ZNF609: variants seen among roughly 807,000 people sequenced by gnomAD.
The protein encoded by ZNF609 is zinc finger protein 609.
Under a neutral mutation model 109.5 loss-of-function variants are expected in ZNF609, and 11 were observed. The ratio of observed to expected loss-of-function variants is 0.10; its 90% CI spans 0.06 to 0.17. The LOEUF (loss-of-function observed/expected upper bound fraction) is 0.17. Among genes scored for constraint, ZNF609 ranks in the 10% least tolerant of loss-of-function variants. ZNF609 has a pLI of 1.00. For missense variants in ZNF609, 1,559 were observed against 1,772.4 expected, an observed-to-expected ratio of 0.88 and a Z score of 2.16; for synonymous variants, 646 against 662.0, an observed-to-expected ratio of 0.98 and a Z score of 0.37.
At position 64,560,129 on chromosome 15, in the gene ZNF609, T is replaced by A. The variant is rs7172378; in HGVS notation, c.747+59963T>A. Among the ~76,000 whole-genome samples the A allele has an allele frequency of 7.0e-3, 1,070 of 152,250 alleles. 15 individuals are homozygous for A. Among genetic ancestry groups the A allele is most frequent in the African/African-American group, 0.024 (1,017 of 41,540 alleles). The stretch of plus-strand genomic sequence containing the variant: ...GGCACAATCTCAGCTCACTGAAAAC[T>A]CCACCTCCCAGGTTCAAGTGATTCT... On this transcript the variant is annotated intron_variant, in intron 2 of 9. Transcript: ENST00000326648.
chr15:64,529,271 C>T, intron 2 of ZNF609: 1 of 714,234 alleles, frequency 1.4e-6, no homozygotes. Flanking sequence ...GGTTCACGCC[C>T]ATCACAAACA....
intron 1 of ZNF609, among the ~76,000 whole-genome samples, chr15:64,489,257 C>G (rs1347912194): frequency 6.6e-6 from 1 of 151,638 alleles, no homozygotes; most frequent in Non-Finnish European, 1.5e-5. Flanking sequence ...GCGATCTTGG[C>G]TCACTGCAAC....
intron 2 of ZNF609, among the ~76,000 whole-genome samples, chr15:64,609,432 C>T (rs537000762): frequency 1.3e-5 from 2 of 151,690 alleles, no homozygotes; most frequent in East Asian, 2.0e-4. Flanking sequence ...CCACCCTCCT[C>T]GGCCTCTCAA....
At chr15:64,602,547 ACTT>A (rs1365561395) in intron 2 of ZNF609, among the ~76,000 whole-genome samples, 1 of 151,768 alleles carries the variant, frequency 6.6e-6, no homozygotes, top group Non-Finnish European at 1.5e-5. Flanking sequence ...TTATTTTCAG[ACTT>A]CTTTGTGGTC....
rs565024579 is a variant in ZNF609 at position 64,651,281 on chromosome 15, G to GTATA, written c.974-19063_974-19060dup. Among the ~76,000 whole-genome samples the GTATA allele has an allele frequency of 2.0e-3, 311 of 152,192 alleles. 1 individual carries two copies. Among genetic ancestry groups the GTATA allele is most frequent in the African/African-American group, 7.2e-3 (299 of 41,524 alleles). The stretch of plus-strand genomic sequence containing the variant: ...GGGGTGGTTTCTTCATATTTGCTTT[G>GTATA]TATATGGGAGCTCATTTTTAGGAAG... On this transcript the variant is annotated intron_variant, in intron 3 of 9. Coordinates refer to ENST00000326648, the MANE Select transcript of ZNF609 (RefSeq NM_015042.2).
intron 2 of ZNF609, among the ~76,000 whole-genome samples, chr15:64,514,103 A>T (rs990328360): frequency 2.0e-5 from 3 of 151,744 alleles, no homozygotes; most frequent in Admixed American, 6.6e-5. Flanking sequence ...AAAAAAAAAA[A>T]ACCACCAGTT....
intron 1 of ZNF609, among the ~76,000 whole-genome samples, chr15:64,469,955 C>A (rs138726703): frequency 1.3e-5 from 2 of 152,134 alleles, no homozygotes; most frequent in Non-Finnish European, 2.9e-5. Context: ...TATCTGAAAT[C>A]TGGGAGCTAA....
rs1595718355 is a variant in ZNF609, at chr15:64,559,830, T to C, written c.747+59664T>C. ...AGATATCTCGTTTAATATTCTACCT[T>C]CCTTTTCTATTCACCCACTTTGTGA... On this transcript the variant is annotated intron_variant, in intron 2 of 9. Transcript: ENST00000326648. Among the ~76,000 whole-genome samples, 3 of 152,326 alleles carry C rather than the reference T, an allele frequency of 2.0e-5. No homozygotes were observed. The South Asian group carries it at 6.2e-4, about 32-fold the overall frequency.
chr15:64,518,014 T>C (rs1043931324), intron 2 of ZNF609, among the ~76,000 whole-genome samples: 2 of 152,066 alleles, frequency 1.3e-5, no homozygotes, highest in Non-Finnish European at 2.9e-5. Flanking sequence ...ACCCCTGGGC[T>C]CAAGTGATCC....
At chr15:64,528,557 T>C in intron 2 of ZNF609, 1 of 581,136 alleles carries the variant, frequency 1.7e-6, no homozygotes, top group South Asian at 1.9e-5. Context: ...ATGGAAACTG[T>C]GAGGAGGGGA....
intron 2 of ZNF609, among the ~76,000 whole-genome samples, chr15:64,573,721 C>T (rs529480183): frequency 6.6e-6 from 1 of 152,148 alleles, no homozygotes; most frequent in South Asian, 2.1e-4. Context: ...CCTATTTCAC[C>T]CTTGTCTATT....
intron 2 of ZNF609, among the ~76,000 whole-genome samples, chr15:64,566,067 C>G (rs113184914): frequency 0.046 from 7,036 of 152,212 alleles, 538 homozygotes; most frequent in African/African-American, 0.16. Context: ...CCAGGCTGGT[C>G]TCAAACTCCT....
chr15:64,469,918 T>C (rs936282663), intron 1 of ZNF609, among the ~76,000 whole-genome samples: 4 of 152,154 alleles, frequency 2.6e-5, no homozygotes, highest in Non-Finnish European at 5.9e-5. Context: ...ACTTTGTAAA[T>C]TCAGTCAAGG....
chr15:64,500,648 A>G (rs1191318989), intron 2 of ZNF609: 3 of 546,846 alleles, frequency 5.5e-6, no homozygotes, highest in Non-Finnish European at 9.7e-6. Flanking sequence ...CAAAGGGCTA[A>G]ATTTCATGGC....
intron 2 of ZNF609, among the ~76,000 whole-genome samples, chr15:64,619,113 A>G (rs1895843043): frequency 6.6e-6 from 1 of 152,178 alleles, no homozygotes; most frequent in African/African-American, 2.4e-5. Flanking sequence ...CCAAGTAGCT[A>G]GGACTGCAGG....
At chr15:64,563,891 A>G (rs891509531) in intron 2 of ZNF609, among the ~76,000 whole-genome samples, 27 of 152,186 alleles carry the variant, frequency 1.8e-4, no homozygotes, top group Admixed American at 1.8e-3. Context: ...CGGCCTATTT[A>G]TTTATTTTTT....
intron 2 of ZNF609, among the ~76,000 whole-genome samples, chr15:64,560,994 A>T (rs1370071904): frequency 6.6e-6 from 1 of 152,218 alleles, no homozygotes; most frequent in Admixed American, 6.6e-5. Flanking sequence ...TCTGTTACCA[A>T]GGCCCCAAAT....
chr15:64,638,322 A>G (rs1896207658), intron 3 of ZNF609, among the ~76,000 whole-genome samples: 1 of 151,594 alleles, frequency 6.6e-6, no homozygotes, highest in Non-Finnish European at 1.5e-5. Flanking sequence ...AAATCTTGTT[A>G]TCTAGTAGTA....
intron 3 of ZNF609, among the ~76,000 whole-genome samples, chr15:64,634,154 G>A (rs1380357201): frequency 6.6e-6 from 1 of 151,886 alleles, no homozygotes; most frequent in African/African-American, 2.4e-5. Flanking sequence ...GAAGAGGGTG[G>A]GTAAGTAGCT....
Sources: allele counts gnomAD v4.1 joint callset (sites outside exome capture counted in the v4.1 genomes callset), GRCh38; gene constraint gnomAD v4.1.1; transcripts MANE v1.5; gene names NCBI Gene and HGNC (gene_info 2026-07-23, HGNC 2026-07-21).